The following MANBAL variants were observed in gnomAD, a reference collection of about 807,000 sequenced individuals.
MANBAL encodes mannosidase beta like.
Under a neutral mutation model 6.4 loss-of-function variants are expected in MANBAL, and 1 was observed. That is an observed-to-expected ratio of 0.16 (90% CI 0.06 to 0.74). The LOEUF (loss-of-function observed/expected upper bound fraction) is 0.74, where lower values mean the gene tolerates loss of function less well. MANBAL is among the 30% of genes least tolerant of loss of function. MANBAL has a pLI of 0.78. For missense variants in MANBAL, 100 were observed against 107.8 expected (o/e 0.93, Z 0.32); for synonymous variants, 47 against 45.8 (o/e 1.03, Z -0.10).
chr20:37,315,596 G>C (rs905226776), intron 2 of MANBAL, among the ~76,000 whole-genome samples: 1 of 152,266 alleles, frequency 6.6e-6, no homozygotes, highest in African/African-American at 2.4e-5. Context: ...ACAAATCACA[G>C]TGTATGAAAT....
chr20:37,301,184 A>G (rs2069125676), intron 1 of MANBAL, 24 bp from the exon 2 acceptor site: 1 of 1,232,768 alleles, frequency 8.1e-7, no homozygotes, highest in Admixed American at 2.9e-5. Context: ...CAGAAATATG[A>G]CACTGACCCT....
intron 2 of MANBAL, among the ~76,000 whole-genome samples, chr20:37,303,512 G>A (rs2069186527): frequency 6.6e-6 from 1 of 152,134 alleles, no homozygotes; most frequent in Non-Finnish European, 1.5e-5. Context: ...ATCTTATGCT[G>A]GAAATCTTGT....
Position 37,301,309 on chromosome 20 carries a change from A to C in MANBAL, c.46A>C (p.Thr16Pro). 1 of 1,612,076 alleles carries C rather than the reference A, an allele frequency of 6.2e-7. No homozygotes were observed. The highest frequency in any genetic ancestry group is 8.5e-7 in the Non-Finnish European group (1 of 1,178,648). The change falls in exon 2 of 3, where the codon ACT (threonine) becomes CCT (proline). Residue 16 changes from threonine (T) to proline (P), a missense_variant. Transcript: ENST00000373606. ...DFSPPEVPEP[T>P]FLENLLRYGL... is the part of the protein sequence containing the mutation. ...CTCACCTCCGGAGGTGCCCGAGCCC[A>C]CTTTCCTGGAGAACCTGCTACGGTA...
intron 2 of MANBAL, among the ~76,000 whole-genome samples, chr20:37,314,626 G>C (rs1167697584): frequency 6.6e-6 from 1 of 152,248 alleles, no homozygotes; most frequent in African/African-American, 2.4e-5. Flanking sequence ...GGTGGGAGGA[G>C]GCTCAGCAGG....
chr20:37,314,775 C>T (rs557746083), intron 2 of MANBAL, among the ~76,000 whole-genome samples: 27 of 152,086 alleles, frequency 1.8e-4, no homozygotes, highest in Non-Finnish European at 3.7e-4. Flanking sequence ...TGATGGGAGA[C>T]GATGTTGGCC....
rs749539337 is a variant in MANBAL at position 37,301,302 on chromosome 20, C to G, written c.39C>G (p.Pro13=). 9 of 1,611,368 alleles carry G rather than the reference C, an allele frequency of 5.6e-6. No homozygotes were observed. Among genetic ancestry groups the G allele is most frequent in the Non-Finnish European group, 7.6e-6 (9 of 1,178,242 alleles). ...TAGACTTCTCACCTCCGGAGGTGCCCGAGCCCACTTTCCTGGAGAACCTGC... is the reference window on the plus strand; with the variant it reads ...TAGACTTCTCACCTCCGGAGGTGCCGGAGCCCACTTTCCTGGAGAACCTGC... ...SDLDFSPPEV[P]EPTFLENLLR... Residue 13 remains proline (P), a synonymous_variant, in exon 2 of 3, where the codon CCC becomes CCG. Coordinates refer to ENST00000373606, the MANE Select transcript of MANBAL (RefSeq NM_001003897.2).
At chr20:37,291,545 G>A (rs2068870179) in intron 1 of MANBAL, among the ~76,000 whole-genome samples, 1 of 152,132 alleles carries the variant, frequency 6.6e-6, no homozygotes, top group African/African-American at 2.4e-5. Context: ...CTTTAATTAG[G>A]ATTTGCCTGT....
At chr20:37,299,096 G>T (rs1451679975) in intron 1 of MANBAL, among the ~76,000 whole-genome samples, 3 of 148,702 alleles carry the variant, frequency 2.0e-5, no homozygotes, top group Admixed American at 6.7e-5. Context: ...GCAGGGTCGG[G>T]TGGGGGCAGG....
At chr20:37,307,131 T>G (rs1311472768) in intron 2 of MANBAL, among the ~76,000 whole-genome samples, 1 of 152,100 alleles carries the variant, frequency 6.6e-6, no homozygotes, top group African/African-American at 2.4e-5. Flanking sequence ...CTGGCTAATT[T>G]TTAAATAATT....
intron 1 of MANBAL, chr20:37,298,843 TCTC>T (rs1026866581): frequency 2.8e-4 from 43 of 152,096 alleles, no homozygotes; most frequent in African/African-American, 1.0e-3. Context: ...CTGGAGCAAT[TCTC>T]CTGCCTCAGC....
intron 1 of MANBAL, among the ~76,000 whole-genome samples, chr20:37,300,470 C>T (rs936043473): frequency 2.0e-5 from 3 of 152,180 alleles, no homozygotes; most frequent in Non-Finnish European, 4.4e-5. Flanking sequence ...TATCACATCT[C>T]GACGTGTTCA....
intron 1 of MANBAL, among the ~76,000 whole-genome samples, chr20:37,292,547 G>T (rs543080301): frequency 6.6e-6 from 1 of 152,264 alleles, no homozygotes; most frequent in African/African-American, 2.4e-5. Context: ...TGATCCACCT[G>T]CCTTGGCCTC....
intron 1 of MANBAL, among the ~76,000 whole-genome samples, chr20:37,294,223 G>T (rs915605590): frequency 6.6e-6 from 1 of 152,128 alleles, no homozygotes; most frequent in East Asian, 1.9e-4. Flanking sequence ...CCTTCTTCAG[G>T]GATTATTTTT....
chr20:37,307,758 A>G (rs925363321), intron 2 of MANBAL, among the ~76,000 whole-genome samples: 3 of 147,690 alleles, frequency 2.0e-5, no homozygotes, highest in Admixed American at 2.0e-4. Flanking sequence ...CTCCATCTCA[A>G]AAAAAAAAAA....
At chr20:37,293,605 G>C (rs2068923098) in intron 1 of MANBAL, among the ~76,000 whole-genome samples, 1 of 152,174 alleles carries the variant, frequency 6.6e-6, no homozygotes, top group Non-Finnish European at 1.5e-5. Context: ...TTGGGGACCT[G>C]TGTTCTAGCT....
chr20:37,314,545 A>ATTTTG (rs1261974934), intron 2 of MANBAL, among the ~76,000 whole-genome samples: 2 of 152,164 alleles, frequency 1.3e-5, no homozygotes, highest in Admixed American at 1.3e-4. Flanking sequence ...GGCCTTGCAA[A>ATTTTG]TTTTGTTTTG....
chr20:37,301,529 T>C, intron 2 of MANBAL, 116 bp downstream of exon 2: 5 of 1,150,460 alleles, frequency 4.3e-6, no homozygotes, highest in Admixed American at 5.2e-5. Context: ...CTTTTTGATT[T>C]AGTGTGCCTC....
chr20:37,303,694 C>T (rs551662774), intron 2 of MANBAL, among the ~76,000 whole-genome samples: 7 of 152,232 alleles, frequency 4.6e-5, no homozygotes, highest in South Asian at 4.2e-4. Context: ...AGGAAACAGG[C>T]GCAGGCGTCT....
intron 2 of MANBAL, chr20:37,302,281 A>G (rs748759475): frequency 1.3e-6 from 2 of 1,550,424 alleles, no homozygotes; most frequent in Non-Finnish European, 1.7e-6. Flanking sequence ...TGTCAACAGG[A>G]GTTCCATGTA....
Sources: allele counts gnomAD v4.1 joint callset (sites outside exome capture counted in the v4.1 genomes callset), GRCh38; gene constraint gnomAD v4.1.1; transcripts MANE v1.5; gene names NCBI Gene and HGNC (gene_info 2026-07-23, HGNC 2026-07-21).